KCNG2: variants seen among roughly 807,000 people sequenced by gnomAD.
KCNG2 encodes potassium voltage-gated channel modifier subfamily G member 2, also known as voltage-gated potassium channel regulatory subunit KCNG2.
In KCNG2, 7 loss-of-function variants were observed where a neutral mutation model predicts 12.3. That is an observed-to-expected ratio of 0.57 (90% CI 0.32 to 1.07). KCNG2 has a LOEUF of 1.07. Ranked by LOEUF, KCNG2 falls within the 50% of genes least tolerant of loss-of-function variation. KCNG2 has a pLI of 0.04. For missense variants in KCNG2, 703 were observed against 726.0 expected, an observed-to-expected ratio of 0.97 and a Z score of 0.36; for synonymous variants, 414 against 351.4, an observed-to-expected ratio of 1.18 and a Z score of -1.99.
At chr18:79,876,477 C>T (rs1430908094) in intron 3 of KCNG2, among the ~76,000 whole-genome samples, 1 of 152,210 alleles carries the variant, frequency 6.6e-6, no homozygotes, top group African/African-American at 2.4e-5. Context: ...AACCAGCGGC[C>T]CAGGGACAGG....
At chr18:79,888,495 C>T (rs368460547) in intron 3 of KCNG2, among the ~76,000 whole-genome samples, 2,482 of 142,406 alleles carry the variant, frequency 0.017, 2 homozygotes, top group South Asian at 0.044. Flanking sequence ...GCGTCCTCCT[C>T]ATGAGGCCGC....
intron 1 of KCNG2, among the ~76,000 whole-genome samples, chr18:79,839,108 C>T (rs1229494923): frequency 6.6e-6 from 1 of 152,116 alleles, no homozygotes; most frequent in African/African-American, 2.4e-5. Flanking sequence ...CCAGCCTGGA[C>T]AAGACCCCAC....
chr18:79,808,240 C>T (rs879016019), intron 1 of KCNG2, among the ~76,000 whole-genome samples: 1 of 29,036 alleles, frequency 3.4e-5, no homozygotes, highest in Admixed American at 3.5e-4. Context: ...GCCCAGAGTC[C>T]GCGCTCTGAG....
At chr18:79,872,282 T>TTTTTTTG (rs1979870446) in intron 3 of KCNG2, among the ~76,000 whole-genome samples, 3 of 86,690 alleles carry the variant, frequency 3.5e-5, no homozygotes, top group Non-Finnish European at 7.4e-5. Context: ...AAGCTTCAGT[T>TTTTTTTG]TTTTTTTTTT....
rs2087429435 is a variant in KCNG2, at chr18:79,803,841, G to A, written c.-115+5827G>A. 6.6e-6 allele frequency among the ~76,000 whole-genome samples: 1 copy of A among 152,186 alleles called. No homozygotes were observed. The highest frequency in any genetic ancestry group is 6.5e-5 in the Admixed American group (1 of 15,278). On this transcript the variant is annotated intron_variant, in intron 1 of 3. Transcript: ENST00000316249. The surrounding 1 kb of genome is among the most constrained non-coding windows in gnomAD (Gnocchi z 4.5). ...CTGCCTCCAAGTTTCTCCTCACTGT[G>A]ATGGCCCCGGGGCCATGCTGAGGCC...
intron 1 of KCNG2, among the ~76,000 whole-genome samples, chr18:79,838,846 A>G (rs1978377265): frequency 6.6e-6 from 1 of 152,276 alleles, no homozygotes; most frequent in African/African-American, 2.4e-5. Context: ...AAAAACCTCA[A>G]TGTACAATCT....
At chr18:79,871,635 C>G (rs1269432585) in intron 3 of KCNG2, among the ~76,000 whole-genome samples, 1 of 152,184 alleles carries the variant, frequency 6.6e-6, no homozygotes, top group Non-Finnish European at 1.5e-5. Flanking sequence ...CGGTGGCCCC[C>G]CGCGTCTGGG....
At chr18:79,871,774 G>C (rs1274015922) in intron 3 of KCNG2, among the ~76,000 whole-genome samples, 1 of 152,234 alleles carries the variant, frequency 6.6e-6, no homozygotes, top group Admixed American at 6.5e-5. Context: ...GTGCAGAGGG[G>C]CCGGCATCAC....
intron 1 of KCNG2, among the ~76,000 whole-genome samples, chr18:79,820,095 G>C (rs1454810995): frequency 6.6e-6 from 1 of 152,196 alleles, no homozygotes; most frequent in Admixed American, 6.5e-5. Context: ...CCTCGTGCAG[G>C]GTACCCCACA....
Position 79,803,238 on chromosome 18 carries a change from G to A in KCNG2, c.-115+5224G>A, listed in dbSNP as rs558302038. ...ATCACCTCTGTAGTCACAGGGCAGG[G>A]CCAGCCCCCTCATCTCCAGGCCCCC... On this transcript the variant is annotated intron_variant, in intron 1 of 3. Transcript: ENST00000316249. The surrounding 1 kb of genome is among the most constrained non-coding windows in gnomAD (Gnocchi z 4.5). Among the ~76,000 whole-genome samples the A allele has an allele frequency of 2.2e-4, 33 of 152,024 alleles. 1 individual carries two copies. The South Asian group carries it at 5.8e-3, about 27-fold the overall frequency.
At chr18:79,868,368 C>T (rs1236304821) in intron 3 of KCNG2, among the ~76,000 whole-genome samples, 2 of 152,192 alleles carry the variant, frequency 1.3e-5, no homozygotes, top group Non-Finnish European at 2.9e-5. Flanking sequence ...AAGCAGTCGC[C>T]CTCCGCGTGG....
chr18:79,870,099 T>C (rs1442835140), intron 3 of KCNG2, among the ~76,000 whole-genome samples: 1 of 152,052 alleles, frequency 6.6e-6, no homozygotes, highest in Non-Finnish European at 1.5e-5. Context: ...CTCCAGTGAG[T>C]CTGTGGCCTT....
chr18:79,873,179 C>T (rs571525474), intron 3 of KCNG2, among the ~76,000 whole-genome samples: 1 of 152,298 alleles, frequency 6.6e-6, no homozygotes, highest in South Asian at 2.1e-4. Flanking sequence ...GGCCTCGGTC[C>T]CAGGCTTGAG....
chr18:79,892,113 T>TAAA (rs35997999), intron 3 of KCNG2, among the ~76,000 whole-genome samples: 1 of 123,662 alleles, frequency 8.1e-6, no homozygotes, highest in Admixed American at 8.4e-5. Context: ...AGACTCCGTC[T>TAAA]AAAAAAAAAA....
Position 79,899,406 on chromosome 18 carries a change from G to A in KCNG2, c.991G>A (p.Val331Met). 2 of 1,583,180 alleles carry A rather than the reference G, an allele frequency of 1.3e-6. No homozygotes were observed. Among genetic ancestry groups the A allele is most frequent in the Non-Finnish European group, 8.6e-7 (1 of 1,169,218 alleles). The change falls in exon 4 of 4, where the codon GTG becomes ATG. Residue 331 changes from valine (V) to methionine (M), a missense_variant. By Grantham distance (21) the Val-to-Met change is conservative. Transcript: ENST00000316249. ...EFGLLLLFLC[V>M]AMALFAPLVH... is the part of the protein sequence containing the mutation. ...CGGGCTGCTGCTGCTGTTCCTCTGC[G>A]TGGCCATGGCGCTCTTCGCGCCACT...
intron 3 of KCNG2, among the ~76,000 whole-genome samples, chr18:79,891,529 C>A (rs1159294702): frequency 6.6e-6 from 1 of 152,154 alleles, no homozygotes; most frequent in Non-Finnish European, 1.5e-5. Flanking sequence ...CCACGCTGGC[C>A]CTCTAAGCAT....
At chr18:79,892,126 A>AC (rs929242872) in intron 3 of KCNG2, among the ~76,000 whole-genome samples, 12 of 149,400 alleles carry the variant, frequency 8.0e-5, no homozygotes, top group African/African-American at 1.2e-4. Flanking sequence ...AAAAAAAAAA[A>AC]AAAAACAACA....
In KCNG2 at chr18:79,863,857, G is replaced by C. The variant is rs752395746; in HGVS notation, c.190G>C (p.Val64Leu). Residue 64 changes from valine (V) to leucine (L), a missense_variant, in exon 3 of 4, where the codon GTG becomes CTG. By Grantham distance (32) the Val-to-Leu change is conservative (BLOSUM62 1). Transcript: ENST00000316249. ...DLLRVCDDYD[V>L]SRDEFFFDRS... ...GCTGCGCGTGTGTGACGACTACGAC[G>C]TGAGCCGCGACGAGTTCTTCTTCGA... 8.2e-6 allele frequency: 12 copies of C among 1,468,306 alleles called. No individual in the cohort carries two copies. The Admixed American group carries it at 9.6e-5, about 12-fold the overall frequency. 91.0% of individuals were successfully genotyped at this position (1,468,306 alleles called of 1,614,324 possible).
In KCNG2 at chr18:79,899,742, A is replaced by G. The variant is rs1199081201; in HGVS notation, c.1327A>G (p.Ser443Gly). The G allele has an allele frequency of 1.3e-6, 2 of 1,590,538 alleles. No individual in the cohort carries two copies. The highest frequency in any genetic ancestry group is 2.3e-5 in the South Asian group (2 of 88,574). ...STHSATATED[S>G]SQGPDSAGLA... ...GCACTCGGCCACAGCCACCGAGGAC[A>G]GCTCGCAGGGCCCCGACAGCGCGGG... Residue 443 changes from serine (S) to glycine (G), a missense_variant, in exon 4 of 4, where the codon AGC (serine) becomes GGC (glycine). Physicochemically the swap from Ser to Gly is moderately conservative, Grantham distance 56. Transcript: ENST00000316249.
Sources: gnomAD v4.1 joint callset for allele counts (sites outside exome capture counted in the v4.1 genomes callset) on GRCh38, gnomAD v4.1.1 for gene constraint, Gnocchi (gnomAD v3.1) non-coding constraint, MANE v1.5 for transcripts, NCBI Gene and HGNC (gene_info 2026-07-23, HGNC 2026-07-21) for gene names.